AGBL4: variants seen among roughly 807,000 people sequenced by gnomAD.
AGBL4 encodes the protein AGBL carboxypeptidase 4.
Under a neutral mutation model 66.4 loss-of-function variants are expected in AGBL4, and 58 were observed. The ratio of observed to expected loss-of-function variants is 0.87; its 90% CI spans 0.71 to 1.09. The LOEUF is 1.09. Among genes scored for constraint, AGBL4 ranks in the 50% least tolerant of loss-of-function variants. AGBL4 has a pLI of 0.00. For missense variants in AGBL4, 579 were observed against 631.0 expected (o/e 0.92, Z 0.88); for synonymous variants, 234 against 222.9 (o/e 1.05, Z -0.44).
intron 3 of AGBL4, among the ~76,000 whole-genome samples, chr1:49,249,733 G>A (rs1212601548): frequency 6.6e-6 from 1 of 152,110 alleles, no homozygotes; most frequent in Non-Finnish European, 1.5e-5. Context: ...TTATCCAAAG[G>A]AAAGGAAATC....
chr1:49,224,191 T>C (rs1649717281), intron 4 of AGBL4, among the ~76,000 whole-genome samples: 1 of 152,208 alleles, frequency 6.6e-6, no homozygotes, highest in South Asian at 2.1e-4. Context: ...TTGGGAAGTC[T>C]ATTTCATAAA....
chr1:49,567,440 C>T (rs185229261), intron 3 of AGBL4, among the ~76,000 whole-genome samples: 4 of 152,216 alleles, frequency 2.6e-5, no homozygotes, highest in East Asian at 3.9e-4. Flanking sequence ...GCCATCTTGG[C>T]TCCACCCTAT....
intron 7 of AGBL4, among the ~76,000 whole-genome samples, chr1:48,662,452 T>C (rs1646123135): frequency 6.6e-6 from 1 of 152,244 alleles, no homozygotes; most frequent in African/African-American, 2.4e-5. Context: ...AGGCGTTTCA[T>C]ATCTCTTTGA....
chr1:49,870,631 A>G (rs1256241211), intron 1 of AGBL4, among the ~76,000 whole-genome samples: 1 of 151,916 alleles, frequency 6.6e-6, no homozygotes, highest in African/African-American at 2.4e-5. Flanking sequence ...AAGAACTATC[A>G]GATTTCAACA....
intron 1 of AGBL4, among the ~76,000 whole-genome samples, chr1:49,912,714 A>T (rs916672400): frequency 5.9e-5 from 9 of 152,186 alleles, no homozygotes; most frequent in Admixed American, 5.9e-4. Flanking sequence ...CTATAACAGA[A>T]TACCACAGAC....
At chr1:49,020,639 A>G (rs1232578423) in intron 5 of AGBL4, among the ~76,000 whole-genome samples, 1 of 152,124 alleles carries the variant, frequency 6.6e-6, no homozygotes, top group Non-Finnish European at 1.5e-5. Flanking sequence ...AGCAAGGGTG[A>G]GCCTGAGGTA....
intron 4 of AGBL4, among the ~76,000 whole-genome samples, chr1:49,217,730 G>C (rs1170024822): frequency 1.3e-5 from 2 of 152,058 alleles, no homozygotes; most frequent in Non-Finnish European, 2.9e-5. Flanking sequence ...CATAATCTTT[G>C]GCTGCATCTG....
intron 6 of AGBL4, among the ~76,000 whole-genome samples, chr1:48,826,714 T>C (rs1646433642): frequency 6.6e-6 from 1 of 152,190 alleles, no homozygotes; most frequent in Admixed American, 6.5e-5. Flanking sequence ...TCCCCTTAAT[T>C]GTTTCCATGA....
intron 5 of AGBL4, among the ~76,000 whole-genome samples, chr1:48,885,725 A>G (rs1267251548): frequency 1.3e-5 from 2 of 152,190 alleles, no homozygotes; most frequent in Non-Finnish European, 2.9e-5. Flanking sequence ...AAGTGAGTGC[A>G]GACCATCATG....
chr1:49,726,964 G>T (rs1037291042), intron 2 of AGBL4, among the ~76,000 whole-genome samples: 7 of 151,908 alleles, frequency 4.6e-5, no homozygotes, highest in Admixed American at 1.3e-4. Flanking sequence ...CCCAACTCAG[G>T]TCATATGCCC....
intron 5 of AGBL4, among the ~76,000 whole-genome samples, chr1:48,997,609 C>T (rs1475178151): frequency 6.6e-6 from 1 of 152,118 alleles, no homozygotes; most frequent in Non-Finnish European, 1.5e-5. Context: ...AGAGGAAGAG[C>T]TCTATAAATA....
intron 6 of AGBL4, among the ~76,000 whole-genome samples, chr1:48,783,580 T>C (rs1360032548): frequency 6.6e-6 from 1 of 152,210 alleles, no homozygotes; most frequent in Non-Finnish European, 1.5e-5. Context: ...GCTGTAACTT[T>C]AGGCAAGACA....
chr1:49,751,151 T>A (rs1009770124), intron 2 of AGBL4, among the ~76,000 whole-genome samples: 2 of 151,692 alleles, frequency 1.3e-5, no homozygotes, highest in Admixed American at 6.6e-5. Flanking sequence ...AGAGAGGGCA[T>A]CCTTGTACTG....
intron 3 of AGBL4, among the ~76,000 whole-genome samples, chr1:49,353,795 A>G (rs529826775): frequency 6.6e-6 from 1 of 152,230 alleles, no homozygotes; most frequent in East Asian, 1.9e-4. Context: ...GGAGCATCTA[A>G]ACATCAAGAG....
intron 4 of AGBL4, among the ~76,000 whole-genome samples, chr1:49,156,983 G>A (rs1490640286): frequency 6.6e-6 from 1 of 152,168 alleles, no homozygotes; most frequent in Non-Finnish European, 1.5e-5. Context: ...ATTTAATTTA[G>A]ATTAATTGGT....
At chr1:48,865,516 G>A (rs989533411) in intron 6 of AGBL4, among the ~76,000 whole-genome samples, 1 of 152,062 alleles carries the variant, frequency 6.6e-6, no homozygotes, top group African/African-American at 2.4e-5. Context: ...TCTAAGAGGA[G>A]GGATAATAAT....
chr1:48,884,431 T>A (rs1387393889), intron 5 of AGBL4, among the ~76,000 whole-genome samples: 1 of 151,824 alleles, frequency 6.6e-6, no homozygotes. Flanking sequence ...AAGTTTCTCA[T>A]AGTTATGAGC....
intron 4 of AGBL4, among the ~76,000 whole-genome samples, chr1:49,077,219 A>AC (rs1644728716): frequency 1.3e-5 from 2 of 151,370 alleles, no homozygotes; most frequent in African/African-American, 4.9e-5. Flanking sequence ...TCAGTGAATA[A>AC]ATTAATTAAT....
Position 49,720,892 on chromosome 1 carries a change from G to C in AGBL4, c.158-23455C>G, listed in dbSNP as rs564461035. Among the ~76,000 whole-genome samples the C allele has an allele frequency of 2.0e-5, 3 of 152,206 alleles. 1 individual carries two copies. The highest frequency in any genetic ancestry group is 1.3e-4 in the Admixed American group (2 of 15,266). Reference sequence around the variant, plus strand: ...GTGACAAGTTACACTTGAAGGATGAGTAGTTTTCCATATGTCAAACGAAAG... The same window carrying C: ...GTGACAAGTTACACTTGAAGGATGACTAGTTTTCCATATGTCAAACGAAAG... On this transcript the variant is annotated intron_variant, in intron 2 of 13. Coordinates refer to ENST00000371839, the MANE Select transcript of AGBL4 (RefSeq NM_032785.4).
Sources: gnomAD v4.1 joint callset for allele counts (sites outside exome capture counted in the v4.1 genomes callset) on GRCh38, gnomAD v4.1.1 for gene constraint, MANE v1.5 for transcripts, NCBI Gene and HGNC (gene_info 2026-07-23, HGNC 2026-07-21) for gene names.